Variants in VWC2L observed in about 807,000 individuals in gnomAD.
VWC2L encodes the protein von Willebrand factor C domain containing 2 like.
Under a neutral mutation model 21.6 loss-of-function variants are expected in VWC2L, and 10 were observed. The ratio of observed to expected loss-of-function variants is 0.46; its 90% CI spans 0.29 to 0.78. The LOEUF (loss-of-function observed/expected upper bound fraction) is 0.78. Ranked by LOEUF, VWC2L falls within the 30% of genes least tolerant of loss-of-function variation. The pLI, the probability that VWC2L is intolerant of heterozygous loss-of-function variation, is 0.10. For synonymous variants in VWC2L, 96 were observed against 94.3 expected (o/e 1.02, Z -0.10); for missense variants, 209 against 277.1 (o/e 0.75, Z 1.74).
At chr2:214,527,185 G>A (rs181174882) in intron 3 of VWC2L, among the ~76,000 whole-genome samples, 12 of 152,232 alleles carry the variant, frequency 7.9e-5, no homozygotes, top group Admixed American at 5.9e-4. Context: ...TTATAAGTGG[G>A]AGTTAACATT....
intron 3 of VWC2L, among the ~76,000 whole-genome samples, chr2:214,463,203 G>C (rs6705855): frequency 0.16 from 24,052 of 152,050 alleles, 1,996 homozygotes; most frequent in East Asian, 0.26. Flanking sequence ...AGTTTGAGAG[G>C]TGGGTATTGA....
chr2:214,495,296 T>A (rs1688796696), intron 3 of VWC2L, among the ~76,000 whole-genome samples: 1 of 152,140 alleles, frequency 6.6e-6, no homozygotes, highest in Non-Finnish European at 1.5e-5. Flanking sequence ...TACCATTTTT[T>A]GTTGCTGAGC....
chr2:214,469,510 G>C (rs976837127), intron 3 of VWC2L, among the ~76,000 whole-genome samples: 2 of 152,132 alleles, frequency 1.3e-5, no homozygotes, highest in Admixed American at 6.5e-5. Context: ...CAGGAGAATG[G>C]CATGAACCTG....
intron 3 of VWC2L, among the ~76,000 whole-genome samples, chr2:214,507,661 A>C (rs555947922): frequency 3.3e-5 from 5 of 152,302 alleles, no homozygotes; most frequent in Admixed American, 3.3e-4. Context: ...ATTATCTCTT[A>C]ATTAGTCATG....
At chr2:214,456,529 C>T (rs992738035) in intron 3 of VWC2L, among the ~76,000 whole-genome samples, 2 of 152,050 alleles carry the variant, frequency 1.3e-5, no homozygotes, top group Non-Finnish European at 2.9e-5. Context: ...TGTCTCTTTA[C>T]TCTGTTGATT....
intron 3 of VWC2L, among the ~76,000 whole-genome samples, chr2:214,522,480 A>G (rs1158452008): frequency 6.6e-6 from 1 of 151,266 alleles, no homozygotes; most frequent in Non-Finnish European, 1.5e-5. Context: ...GTCGGTGTCT[A>G]TATTTATGGG....
At chr2:214,517,847 G>T (rs952957876) in intron 3 of VWC2L, among the ~76,000 whole-genome samples, 4 of 152,176 alleles carry the variant, frequency 2.6e-5, no homozygotes, top group Non-Finnish European at 5.9e-5. Flanking sequence ...TCATGAGAAA[G>T]CAAATAAAGA....
intron 2 of VWC2L, among the ~76,000 whole-genome samples, chr2:214,433,982 C>T (rs550595114): frequency 8.2e-4 from 124 of 152,040 alleles, no homozygotes; most frequent in Non-Finnish European, 1.4e-3. Flanking sequence ...TTTGTAAAAA[C>T]AATTTAATGA....
At chr2:214,519,827 A>G (rs1397467310) in intron 3 of VWC2L, among the ~76,000 whole-genome samples, 4 of 152,194 alleles carry the variant, frequency 2.6e-5, no homozygotes, top group African/African-American at 7.2e-5. Flanking sequence ...GCATGACCCA[A>G]TGATGCCTCT....
At chr2:214,508,184 G>A (rs149438351) in intron 3 of VWC2L, among the ~76,000 whole-genome samples, 222 of 152,202 alleles carry the variant, frequency 1.5e-3, no homozygotes, top group African/African-American at 5.1e-3. Flanking sequence ...TACCGTGTTA[G>A]CCAGGATGGT....
intron 3 of VWC2L, among the ~76,000 whole-genome samples, chr2:214,555,193 T>A (rs1467927248): frequency 6.6e-6 from 1 of 152,226 alleles, no homozygotes; most frequent in Non-Finnish European, 1.5e-5. Context: ...AATCTTTGAA[T>A]CCACCTATGA....
intron 3 of VWC2L, among the ~76,000 whole-genome samples, chr2:214,549,826 T>C (rs1689765687): frequency 6.6e-6 from 1 of 152,162 alleles, no homozygotes; most frequent in Non-Finnish European, 1.5e-5. Flanking sequence ...ATATTTATGT[T>C]ATCAAAGACT....
intron 3 of VWC2L, among the ~76,000 whole-genome samples, chr2:214,488,692 G>T (rs1688706578): frequency 6.6e-6 from 1 of 152,128 alleles, no homozygotes; most frequent in Non-Finnish European, 1.5e-5. Flanking sequence ...AATTTAGAAA[G>T]AAAAAAGGTT....
intron 3 of VWC2L, among the ~76,000 whole-genome samples, chr2:214,528,138 G>T (rs564908616): frequency 3.5e-4 from 54 of 152,236 alleles, no homozygotes; most frequent in Non-Finnish European, 5.9e-4. Flanking sequence ...CAGAAAATGA[G>T]ACTGCTTTAT....
At chr2:214,559,208 A>G (rs1389856936) in intron 3 of VWC2L, among the ~76,000 whole-genome samples, 4 of 152,212 alleles carry the variant, frequency 2.6e-5, no homozygotes, top group Non-Finnish European at 5.9e-5. Context: ...AAAAGAAGAC[A>G]TTTATGCAGC....
chr2:214,567,595 C>CAGAG lies in VWC2L; in HGVS notation c.521-8059_521-8056dup, dbSNP rs10528003. On this transcript the variant is annotated intron_variant, in intron 3 of 3. Transcript: ENST00000312504. ...ACACACACACACACACACACACACA[C>CAGAG]AGAGAGAGAGAGAGAGAGAGATAAT... Among the ~76,000 whole-genome samples, 211 of 135,346 alleles carry CAGAG rather than the reference C, an allele frequency of 1.6e-3. 8 individuals carry two copies. Among genetic ancestry groups the CAGAG allele is most frequent in the African/African-American group, 6.1e-3 (197 of 32,094 alleles). The allele number at this position is 135,346 out of a possible 152,430, so 88.8% of individuals were successfully genotyped here.
chr2:214,468,789 A>T (rs1703262302), intron 3 of VWC2L, among the ~76,000 whole-genome samples: 1 of 152,176 alleles, frequency 6.6e-6, no homozygotes, highest in Non-Finnish European at 1.5e-5. Flanking sequence ...CACCAAACAC[A>T]GCATAGGTTT....
chr2:214,420,048 G>A (rs1460286866), intron 2 of VWC2L, among the ~76,000 whole-genome samples: 2 of 152,056 alleles, frequency 1.3e-5, no homozygotes, highest in Non-Finnish European at 2.9e-5. Flanking sequence ...AACAGAAGGA[G>A]ACTCTGTTCC....
rs189932449 is a variant in VWC2L, at chr2:214,421,797, C to T, written c.390+7214C>T. Among the ~76,000 whole-genome samples, 955 of 149,350 alleles carry T rather than the reference C, an allele frequency of 6.4e-3. 6 individuals carry two copies. The highest frequency in any genetic ancestry group is 0.011 in the Non-Finnish European group (757 of 67,324). ...GTTTTGGATATGTTAAAAAAAATTG[C>T]CTATTTTTAATTGTTTCTCCTCACC... On this transcript the variant is annotated intron_variant, in intron 2 of 3. Coordinates refer to ENST00000312504, the MANE Select transcript of VWC2L (RefSeq NM_001080500.4).
Sources: allele counts gnomAD v4.1 joint callset (sites outside exome capture counted in the v4.1 genomes callset), GRCh38; gene constraint gnomAD v4.1.1; transcripts MANE v1.5; gene names NCBI Gene and HGNC (gene_info 2026-07-23, HGNC 2026-07-21).